PCDHGA4: variants seen among roughly 807,000 people sequenced by gnomAD.
PCDHGA4 encodes protocadherin gamma-A4.
Under a neutral mutation model 54.6 loss-of-function variants are expected in PCDHGA4, and 38 were observed. That is an observed-to-expected ratio of 0.70 (90% CI 0.54 to 0.91). The LOEUF is 0.91. PCDHGA4 is among the 40% of genes least tolerant of loss of function. The pLI, the probability that PCDHGA4 is intolerant of heterozygous loss-of-function variation, is 0.00. For missense variants in PCDHGA4, 1,298 were observed against 1,220.9 expected (o/e 1.06, Z -0.94); for synonymous variants, 511 against 512.9 (o/e 1.00, Z 0.05).
rs980196319 is a variant in PCDHGA4 at position 141,511,604 on chromosome 5, A to C, written c.*431A>C. 3 of 248,420 alleles carry C rather than the reference A, an allele frequency of 1.2e-5. No individual in the cohort carries two copies. Among genetic ancestry groups the C allele is most frequent in the African/African-American group, 6.6e-5 (3 of 45,596 alleles). The allele number at this position is 248,420 out of a possible 1,614,324, so 15.4% of individuals were successfully genotyped here. Reference sequence around the variant, plus strand: ...GGTGTTGAAGTACCAAGTAACCTACAAGCCTCCTAGTTCTGAAAAGTTGGA... The same window carrying C: ...GGTGTTGAAGTACCAAGTAACCTACCAGCCTCCTAGTTCTGAAAAGTTGGA... On this transcript the variant is annotated 3_prime_UTR_variant, in exon 4 of 4. Coordinates refer to ENST00000571252, the MANE Select transcript of PCDHGA4 (RefSeq NM_018917.4).
At position 141,355,453 on chromosome 5, in the gene PCDHGA4, G is replaced by A; in HGVS notation, c.346G>A (p.Val116Ile). 1.2e-6 allele frequency: 2 copies of A among 1,614,094 alleles called. No individual in the cohort carries two copies. Among genetic ancestry groups the A allele is most frequent in the South Asian group, 1.1e-5 (1 of 91,090 alleles). Reference protein sequence around the residue: ...FALNPRSGTLVTAGRIDREEL... With the variant: ...FALNPRSGTLITAGRIDREEL... ...CCTGAACCCGCGCAGCGGCACCTTGGTCACCGCGGGTAGGATAGACAGGGA... is the reference window on the plus strand; with the variant it reads ...CCTGAACCCGCGCAGCGGCACCTTGATCACCGCGGGTAGGATAGACAGGGA... Residue 116 changes from valine to isoleucine, a missense_variant, in exon 1 of 4, where the codon GTC (valine) becomes ATC (isoleucine). Transcript: ENST00000571252.
chr5:141,398,782 C>T (rs763578317), intron 1 of PCDHGA4: 1 of 1,613,908 alleles, frequency 6.2e-7, no homozygotes, highest in Non-Finnish European at 8.5e-7. Context: ...GGACGGTGGA[C>T]ATCCACCCCT....
At chr5:141,383,436 C>T in intron 1 of PCDHGA4, 1 of 1,613,968 alleles carries the variant, frequency 6.2e-7, no homozygotes, top group Non-Finnish European at 8.5e-7. Flanking sequence ...GCCACTTCTC[C>T]CTGGCTGTGC....
At chr5:141,371,156 C>T in intron 1 of PCDHGA4, 1 of 1,614,020 alleles carries the variant, frequency 6.2e-7, no homozygotes, top group Non-Finnish European at 8.5e-7. Context: ...TTGCAGAGAA[C>T]CTGCCCGCTG....
At chr5:141,430,573 A>C (rs938248057) in intron 1 of PCDHGA4, 8 of 448,940 alleles carry the variant, frequency 1.8e-5, no homozygotes, top group Non-Finnish European at 3.0e-5. Context: ...AGAAAAGCGG[A>C]GATCCTGCTC....
At chr5:141,420,213 G>A in intron 1 of PCDHGA4, 1 of 1,611,648 alleles carries the variant, frequency 6.2e-7, no homozygotes, top group Non-Finnish European at 8.5e-7. Flanking sequence ...AACAAAGATA[G>A]CATGCTACTG....
chr5:141,433,164 A>G, intron 1 of PCDHGA4: 3 of 1,613,600 alleles, frequency 1.9e-6, no homozygotes, highest in Non-Finnish European at 2.5e-6. Context: ...TTTTCTAAAG[A>G]CAGTCATGGG....
intron 1 of PCDHGA4, chr5:141,370,275 C>T (rs1483260334): frequency 2.4e-6 from 2 of 830,416 alleles, no homozygotes; most frequent in African/African-American, 1.7e-5. Flanking sequence ...AGCGGAGACA[C>T]CCATTAGAGA....
intron 1 of PCDHGA4, chr5:141,383,303 C>A (rs1445366017): frequency 5.0e-6 from 8 of 1,613,892 alleles, no homozygotes; most frequent in Non-Finnish European, 6.8e-6. Flanking sequence ...AGATTCTTGA[C>A]GGAAGAAATA....
intron 1 of PCDHGA4, among the ~76,000 whole-genome samples, chr5:141,380,921 T>G (rs1014548780): frequency 6.6e-6 from 1 of 152,238 alleles, no homozygotes; most frequent in African/African-American, 2.4e-5. Flanking sequence ...CATTGTTTAA[T>G]AATCATACAC....
At chr5:141,509,481 A>G (rs2099877035) in intron 3 of PCDHGA4, among the ~76,000 whole-genome samples, 1 of 152,010 alleles carries the variant, frequency 6.6e-6, no homozygotes, top group Admixed American at 6.6e-5. Flanking sequence ...TGAGGGGTAG[A>G]GGTGATGGCA....
chr5:141,413,328 C>G, intron 1 of PCDHGA4: 1 of 1,614,004 alleles, frequency 6.2e-7, no homozygotes, highest in Non-Finnish European at 8.5e-7. Context: ...TCGTGGGCAA[C>G]ATCTCCAAGG....
chr5:141,409,270 T>A (rs761773360), intron 1 of PCDHGA4: 6 of 1,613,996 alleles, frequency 3.7e-6, no homozygotes, highest in Non-Finnish European at 4.2e-6. Flanking sequence ...CTGATCAGAT[T>A]TTGGAGAATT....
intron 1 of PCDHGA4, chr5:141,383,126 C>T (rs1024955582): frequency 6.2e-7 from 1 of 1,614,062 alleles, no homozygotes; most frequent in African/African-American, 1.3e-5. Context: ...CAGCTTTTCG[C>T]CCTGAACCAG....
chr5:141,476,535 T>C lies in PCDHGA4; in HGVS notation c.2515-18272T>C. 5 of 1,614,038 alleles carry C rather than the reference T, an allele frequency of 3.1e-6. No individual in the cohort carries two copies. The highest frequency in any genetic ancestry group is 4.2e-6 in the Non-Finnish European group (5 of 1,180,010). On this transcript the variant is annotated intron_variant, in intron 1 of 3. Coordinates refer to ENST00000571252, the MANE Select transcript of PCDHGA4 (RefSeq NM_018917.4). The surrounding 1 kb of genome is among the most constrained non-coding windows in gnomAD (Gnocchi z 7.6). ...AATCCTGCTTTCCCTACCCAGGAAA[T>C]GAAATTGGAGATTAGCGAGGCCGTG...
chr5:141,370,656 G>C, intron 1 of PCDHGA4: 1 of 1,613,852 alleles, frequency 6.2e-7, no homozygotes, highest in South Asian at 1.1e-5. Flanking sequence ...ACTTGTGAGC[G>C]ACCGTATAGA....
chr5:141,366,600 T>C, intron 1 of PCDHGA4: 2 of 1,614,036 alleles, frequency 1.2e-6, no homozygotes, highest in Non-Finnish European at 1.7e-6. Context: ...TCCCACGAGG[T>C]CTCCCTCACC....
chr5:141,364,445 C>T, intron 1 of PCDHGA4: 1 of 1,613,920 alleles, frequency 6.2e-7, no homozygotes. Context: ...GCCGGAGGAG[C>T]TGGACAAAGG....
intron 3 of PCDHGA4, among the ~76,000 whole-genome samples, chr5:141,510,272 T>TA (rs546154379): frequency 0.17 from 22,022 of 130,294 alleles, 2,255 homozygotes; most frequent in African/African-American, 0.28. Flanking sequence ...GACTCCATCT[T>TA]AAAAAAAAAA....
Sources: gnomAD v4.1 joint callset for allele counts (sites outside exome capture counted in the v4.1 genomes callset) on GRCh38, gnomAD v4.1.1 for gene constraint, Gnocchi (gnomAD v3.1) non-coding constraint, MANE v1.5 for transcripts, NCBI Gene and HGNC (gene_info 2026-07-23, HGNC 2026-07-21) for gene names.